Variants in INO80D observed in about 807,000 individuals in gnomAD.
The protein encoded by INO80D is INO80 complex subunit D.
A neutral mutation model predicts 87.6 loss-of-function variants in INO80D; 21 were observed. The observed-to-expected ratio is 0.24, with a 90% CI of 0.17 to 0.35. The LOEUF is 0.35. Among genes scored for constraint, INO80D ranks in the 10% least tolerant of loss-of-function variants. The pLI, the probability that INO80D is intolerant of heterozygous loss-of-function variation, is 1.00. For missense variants in INO80D, 982 were observed against 1,280.7 expected (o/e 0.77, Z 3.56); for synonymous variants, 440 against 491.0 (o/e 0.90, Z 1.37).
chr2:206,054,674 C>T (rs1175796246), intron 4 of INO80D, among the ~76,000 whole-genome samples: 1 of 152,020 alleles, frequency 6.6e-6, no homozygotes, highest in African/African-American at 2.4e-5. Flanking sequence ...CCACCACACC[C>T]GGCTATTTTT....
intron 6 of INO80D, among the ~76,000 whole-genome samples, chr2:206,023,834 GGTCCATCTTGCT>G (rs1688532158): frequency 6.6e-6 from 1 of 152,022 alleles, no homozygotes; most frequent in African/African-American, 2.4e-5. Context: ...ACTATAACAG[GGTCCATCTTGCT>G]GTTTGTTTGT....
chr2:206,082,037 T>G (rs994107931), intron 1 of INO80D, among the ~76,000 whole-genome samples: 15 of 152,292 alleles, frequency 9.8e-5, no homozygotes, highest in African/African-American at 3.4e-4. Flanking sequence ...TTATTTTTTT[T>G]GAGATAGAGT....
chr2:206,063,702 C>CA (rs919035061), intron 1 of INO80D: 5 of 150,658 alleles, frequency 3.3e-5, no homozygotes, highest in African/African-American at 7.3e-5. Context: ...AAAAACAAAA[C>CA]AAAAAAAAAG....
At position 206,082,633 on chromosome 2, in the gene INO80D, ACCATTGTTTT is replaced by A. The variant is rs1228557200; in HGVS notation, c.-124+3258_-124+3267del. ...CCTCCAACCCAGTCTCACCTATTCA[ACCATTGTTTT>A]ACCAGTTACCAGGTGTGGGGGAGGG... On this transcript the variant is annotated intron_variant, in intron 1 of 10. Coordinates refer to ENST00000403263, the MANE Select transcript of INO80D (RefSeq NM_017759.5). Among the ~76,000 whole-genome samples the A allele has an allele frequency of 2.0e-5, 3 of 152,284 alleles. No individual in the cohort carries two copies. In the East Asian group the frequency reaches 5.8e-4, roughly 29 times the overall value.
chr2:206,002,504 G>C lies in INO80D; in HGVS notation c.*1864C>G, dbSNP rs1687923097. On this transcript the variant is annotated 3_prime_UTR_variant, in exon 11 of 11. Transcript: ENST00000403263. ...CTAAATATATTACAAACATATTTTT[G>C]GCCCACAAAAAGAAACATCAATAAA... 6.6e-6 allele frequency: 1 copy of C among 151,848 alleles called. No homozygotes were observed. The highest frequency in any genetic ancestry group is 2.1e-4 in the South Asian group (1 of 4,810). The allele number at this position is 151,848 out of a possible 1,614,324, so 9.4% of individuals were successfully genotyped here.
chr2:206,017,681 A>AT lies in INO80D; in HGVS notation c.1540dup (p.Met514AsnfsTer3). 6.3e-7 allele frequency: 1 copy of AT among 1,581,242 alleles called. No individual in the cohort carries two copies. Among genetic ancestry groups the AT allele is most frequent in the Non-Finnish European group, 8.6e-7 (1 of 1,166,798 alleles). On this transcript the variant is annotated frameshift_variant and splice_region_variant, in exon 8 of 11. Transcript: ENST00000403263. LOFTEE classifies it high-confidence loss of function. Reference sequence around the variant, plus strand: ...GAAAGCCTCTGTTGCAGAACTTACCATTTTTTTGGCATGTTCTTCACACAG... The same window carrying AT: ...GAAAGCCTCTGTTGCAGAACTTACCATTTTTTTTGGCATGTTCTTCACACAG...
intron 1 of INO80D, among the ~76,000 whole-genome samples, chr2:206,078,932 CTT>C (rs1690200266): frequency 6.6e-6 from 1 of 152,062 alleles, no homozygotes; most frequent in African/African-American, 2.4e-5. Context: ...CAGAGTGAGA[CTT>C]TGTCTCAAAA....
chr2:206,004,787 G>A lies in INO80D; in HGVS notation c.2665C>T (p.His889Tyr). The A allele has an allele frequency of 6.2e-7, 1 of 1,614,014 alleles. No individual in the cohort carries two copies. The highest frequency in any genetic ancestry group is 8.5e-7 in the Non-Finnish European group (1 of 1,179,890). The change falls in exon 11 of 11, where the codon CAC becomes TAC. Residue 889 changes from histidine to tyrosine, a missense_variant. Physicochemically the swap from His to Tyr is moderately conservative, Grantham distance 83. Coordinates refer to ENST00000403263, the MANE Select transcript of INO80D (RefSeq NM_017759.5). The surrounding 1 kb of genome is among the most constrained non-coding windows in gnomAD (Gnocchi z 4.9). The stretch of plus-strand genomic sequence containing the variant: ...AGGTTGACAGGGAGATTGCCCCAGT[G>A]AGTTCTGGGGTTTACCACGCCTCCA... ...PLGGVVNPRT[H>Y]WGNLPVNLGD...
intron 10 of INO80D, 22 bp downstream of exon 10, chr2:206,007,259 CCTT>C (rs1181022653): frequency 6.3e-7 from 1 of 1,598,268 alleles, no homozygotes; most frequent in East Asian, 2.2e-5. Context: ...AAACCAGTTT[CCTT>C]GAGTCAAAAT....
At chr2:206,047,856 AT>A (rs1175389682) in intron 4 of INO80D, among the ~76,000 whole-genome samples, 6 of 139,428 alleles carry the variant, frequency 4.3e-5, no homozygotes, top group Admixed American at 7.6e-5. Flanking sequence ...ATTTCTTTCA[AT>A]TTTTTTTTTT....
In INO80D at chr2:206,081,222, C is replaced by T. The variant is rs1257287510; in HGVS notation, c.-124+4679G>A. 2.0e-5 allele frequency among the ~76,000 whole-genome samples: 3 copies of T among 152,202 alleles called. No homozygotes were observed. The East Asian group carries it at 5.8e-4, about 29-fold the overall frequency. Reference sequence around the variant, plus strand: ...TTTTAACCAATACAAAACGACACAACTACCATTACATGGACAATCCTACCC... The same window carrying T: ...TTTTAACCAATACAAAACGACACAATTACCATTACATGGACAATCCTACCC... On this transcript the variant is annotated intron_variant, in intron 1 of 10. Coordinates refer to ENST00000403263, the MANE Select transcript of INO80D (RefSeq NM_017759.5).
chr2:206,083,585 T>C (rs1690342741), intron 1 of INO80D, among the ~76,000 whole-genome samples: 1 of 152,010 alleles, frequency 6.6e-6, no homozygotes, highest in African/African-American at 2.4e-5. Flanking sequence ...TGACCGGATA[T>C]CTATCATTGT....
At chr2:206,014,238 G>A (rs956342923) in intron 8 of INO80D, among the ~76,000 whole-genome samples, 2 of 151,616 alleles carry the variant, frequency 1.3e-5, no homozygotes, top group Non-Finnish European at 2.9e-5. Flanking sequence ...TTTGTAATAT[G>A]TAATTGTAAT....
At chr2:206,023,813 T>G (rs889127768) in intron 6 of INO80D, among the ~76,000 whole-genome samples, 5 of 151,712 alleles carry the variant, frequency 3.3e-5, no homozygotes, top group Non-Finnish European at 5.9e-5. Flanking sequence ...TATCATCAAA[T>G]CAATCTGAAA....
At chr2:206,063,074 C>A in intron 2 of INO80D, 29 bp from the exon 3 acceptor site, 2 of 1,199,520 alleles carry the variant, frequency 1.7e-6, no homozygotes, top group South Asian at 1.3e-5. Context: ...AAAAGAAACC[C>A]AAATGATAAA....
chr2:206,032,643 G>C (rs1183417413), intron 5 of INO80D, among the ~76,000 whole-genome samples: 1 of 151,508 alleles, frequency 6.6e-6, no homozygotes, highest in Non-Finnish European at 1.5e-5. Flanking sequence ...CTACAAGCTA[G>C]AAGGGATTGG....
intron 6 of INO80D, among the ~76,000 whole-genome samples, chr2:206,021,538 C>G (rs1256593680): frequency 6.6e-6 from 1 of 152,126 alleles, no homozygotes; most frequent in Admixed American, 6.5e-5. Flanking sequence ...ATAAATAAAC[C>G]TTTACTATTC....
intron 4 of INO80D, among the ~76,000 whole-genome samples, chr2:206,048,090 T>C (rs818002): frequency 0.62 from 93,904 of 151,684 alleles, 30,747 homozygotes; most frequent in South Asian, 0.74. Flanking sequence ...CTCCTGACCT[T>C]GTGATCCACC....
chr2:206,016,267 G>C (rs1688316856), intron 8 of INO80D, among the ~76,000 whole-genome samples: 1 of 152,232 alleles, frequency 6.6e-6, no homozygotes, highest in Non-Finnish European at 1.5e-5. Context: ...CAAAGGAGAT[G>C]ATTTTGGAGC....
Sources: allele counts gnomAD v4.1 joint callset (sites outside exome capture counted in the v4.1 genomes callset), GRCh38; gene constraint gnomAD v4.1.1; non-coding constraint Gnocchi (gnomAD v3.1); transcripts MANE v1.5; gene names NCBI Gene and HGNC (gene_info 2026-07-23, HGNC 2026-07-21).